PBK: variants seen among roughly 807,000 people sequenced by gnomAD.
PBK encodes lymphokine-activated killer T-cell-originated protein kinase.
Under a neutral mutation model 33.5 loss-of-function variants are expected in PBK, and 22 were observed. The ratio of observed to expected loss-of-function variants is 0.66; its 90% confidence interval spans 0.47 to 0.94. The LOEUF (loss-of-function observed/expected upper bound fraction) is 0.94, where lower values mean the gene tolerates loss of function less well. Among genes scored for constraint, PBK ranks in the 40% least tolerant of loss-of-function variants. The pLI is 0.00. For synonymous variants in PBK, 129 were observed against 123.8 expected, an observed-to-expected ratio of 1.04 and a Z score of -0.28; for missense variants, 376 against 383.4, an observed-to-expected ratio of 0.98 and a Z score of 0.16.
intron 6 of PBK, among the ~76,000 whole-genome samples, chr8:27,818,921 T>G (rs927801780): frequency 2.0e-5 from 3 of 152,140 alleles, no homozygotes; most frequent in African/African-American, 7.2e-5. Flanking sequence ...AAAACAGCTG[T>G]GTTTTTTTCT....
Position 27,810,246 on chromosome 8 carries a change from T to C in PBK, c.*59A>G. On this transcript the variant is annotated 3_prime_UTR_variant, in exon 8 of 8. Coordinates refer to ENST00000301905, the MANE Select transcript of PBK (RefSeq NM_018492.4). ...GTCTAATAACTACTGATAGTAACTA[T>C]GTAAATATTTTGGAATAAACAGTTA... 1 of 1,143,010 alleles carries C rather than the reference T, an allele frequency of 8.7e-7. No individual in the cohort carries two copies. Among genetic ancestry groups the C allele is most frequent in the African/African-American group, 1.5e-5 (1 of 64,834 alleles). 70.8% of individuals were successfully genotyped at this position (1,143,010 alleles called of 1,614,324 possible).
intron 4 of PBK, 48 bp from the exon 5 acceptor site, chr8:27,822,536 A>C (rs1805950633): frequency 6.9e-6 from 9 of 1,302,896 alleles, no homozygotes; most frequent in Non-Finnish European, 9.7e-6. Flanking sequence ...AAGAACAATA[A>C]TATTTAAGTC....
rs772280845 is a variant in PBK at position 27,833,053 on chromosome 8, T to TA, written c.58+2dup. The TA allele has an allele frequency of 6.4e-7, 1 of 1,561,024 alleles. No individual in the cohort carries two copies. The highest frequency in any genetic ancestry group is 1.1e-5 in the South Asian group (1 of 87,406). ...AAAAAAAATCTTACATCTGCTATCT[T>TA]ACCAGATTTCTTTTTTTCTGATAAT... On this transcript the variant is annotated splice_region_variant and intron_variant, in intron 2 of 7. Transcript: ENST00000301905.
intron 1 of PBK, among the ~76,000 whole-genome samples, chr8:27,836,008 AACAAG>A (rs1806222075): frequency 6.6e-6 from 1 of 152,180 alleles, no homozygotes; most frequent in Non-Finnish European, 1.5e-5. Context: ...TAGAGCAGCA[AACAAG>A]ACCCAAACAA....
intron 2 of PBK, among the ~76,000 whole-genome samples, chr8:27,828,689 G>C (rs1585433248): frequency 7.3e-6 from 1 of 136,812 alleles, no homozygotes; most frequent in African/African-American, 2.8e-5. Context: ...AGGAGGTTAA[G>C]GGTGCAGGTG....
intron 1 of PBK, 49 bp from the exon 2 acceptor site, chr8:27,833,182 A>G (rs1385714971): frequency 1.0e-6 from 1 of 983,396 alleles, no homozygotes; most frequent in African/African-American, 1.7e-5. Context: ...AAAGAATACA[A>G]CTCTCATTCA....
In PBK at chr8:27,820,573, T is replaced by C; in HGVS notation, c.587A>G (p.Asn196Ser). The change falls in exon 6 of 8, where the codon AAT (asparagine) becomes AGT (serine). Residue 196 changes from asparagine to serine, a missense_variant. Transcript: ENST00000301905. Reference protein sequence around the residue: ...DVGVSLPLDENMTVTDPEACY... With the variant: ...DVGVSLPLDESMTVTDPEACY... Reference sequence around the variant, plus strand: ...TTAAGAGTACAACTTACCAGTCATATTTTCATCCAGTGGTAGAGAGACTCC... The same window carrying C: ...TTAAGAGTACAACTTACCAGTCATACTTTCATCCAGTGGTAGAGAGACTCC... The C allele has an allele frequency of 6.4e-7, 1 of 1,566,374 alleles. No homozygotes were observed. Among genetic ancestry groups the C allele is most frequent in the Non-Finnish European group, 8.7e-7 (1 of 1,150,286 alleles).
intron 3 of PBK, 113 bp from the exon 4 acceptor site, chr8:27,823,318 G>T (rs1157037928): frequency 3.1e-6 from 2 of 650,770 alleles, no homozygotes; most frequent in Non-Finnish European, 5.3e-6. Flanking sequence ...TTTAAAAACA[G>T]AATTTAAAAT....
At chr8:27,829,235 C>T (rs1458596228) in intron 2 of PBK, among the ~76,000 whole-genome samples, 1 of 152,140 alleles carries the variant, frequency 6.6e-6, no homozygotes, top group Admixed American at 6.5e-5. Flanking sequence ...GCAATTGGCT[C>T]AACAATTACC....
chr8:27,824,967 C>T (rs1023482716), intron 3 of PBK, among the ~76,000 whole-genome samples: 4 of 152,118 alleles, frequency 2.6e-5, no homozygotes, highest in Non-Finnish European at 5.9e-5. Context: ...CTTAAACATA[C>T]ACATTGTTTT....
intron 4 of PBK, 91 bp from the exon 5 acceptor site, chr8:27,822,579 G>A (rs1291274827): frequency 3.9e-6 from 3 of 778,558 alleles, no homozygotes; most frequent in South Asian, 4.1e-5. Flanking sequence ...ATATGGATCT[G>A]GACTAACGCT....
intron 1 of PBK, among the ~76,000 whole-genome samples, chr8:27,833,873 T>C (rs1178317045): frequency 6.6e-6 from 1 of 152,100 alleles, no homozygotes; most frequent in East Asian, 1.9e-4. Context: ...CTGCATCAGA[T>C]GATGAATGGA....
At position 27,809,836 on chromosome 8, in the gene PBK, T is replaced by C. The variant is rs1457502626; in HGVS notation, c.*469A>G. 1.3e-5 allele frequency: 2 copies of C among 153,844 alleles called. No individual in the cohort carries two copies. The highest frequency in any genetic ancestry group is 4.8e-5 in the African/African-American group (2 of 41,480). The allele number at this position is 153,844 out of a possible 1,614,324, so 9.5% of individuals were successfully genotyped here. A position where few individuals can be genotyped will look rare whatever the true frequency, so the allele number is the denominator to read the frequency against. On this transcript the variant is annotated 3_prime_UTR_variant, in exon 8 of 8. Transcript: ENST00000301905. ...CTGAAGTATCCAAGGAGCTACTCTTTTTGAGGCATATTCTCCTCAGCTTCC... is the reference window on the plus strand; with the variant it reads ...CTGAAGTATCCAAGGAGCTACTCTTCTTGAGGCATATTCTCCTCAGCTTCC...
intron 6 of PBK, among the ~76,000 whole-genome samples, chr8:27,815,532 A>G (rs1805793725): frequency 6.6e-6 from 1 of 152,222 alleles, no homozygotes; most frequent in African/African-American, 2.4e-5. Flanking sequence ...GACAAGAGAA[A>G]AGCCTATAGA....
intron 2 of PBK, among the ~76,000 whole-genome samples, chr8:27,831,648 C>A (rs1806133325): frequency 2.7e-5 from 4 of 149,152 alleles, no homozygotes; most frequent in South Asian, 4.3e-4. Context: ...TCAAGTCAGA[C>A]TGATTAAGGA....
At chr8:27,811,363 C>G in intron 6 of PBK, 1 of 591,466 alleles carries the variant, frequency 1.7e-6, no homozygotes, top group South Asian at 2.0e-5. Context: ...CAGCAATTCT[C>G]TTACAAATTA....
intron 6 of PBK, among the ~76,000 whole-genome samples, chr8:27,814,387 A>C (rs558538685): frequency 7.9e-5 from 12 of 152,056 alleles, no homozygotes; most frequent in Non-Finnish European, 1.8e-4. Flanking sequence ...CCCTTTTCTC[A>C]TTCCTGTTGT....
intron 6 of PBK, among the ~76,000 whole-genome samples, chr8:27,819,654 A>G (rs1046688543): frequency 3.3e-5 from 5 of 152,136 alleles, no homozygotes; most frequent in African/African-American, 1.2e-4. Flanking sequence ...ATTATGGTGC[A>G]GAGGTACTTG....
At chr8:27,814,095 A>C (rs1805762721) in intron 6 of PBK, among the ~76,000 whole-genome samples, 1 of 152,106 alleles carries the variant, frequency 6.6e-6, no homozygotes, top group Non-Finnish European at 1.5e-5. Flanking sequence ...AGAGGTCCTT[A>C]TTCCTCTATT....
Sources: allele counts gnomAD v4.1 joint callset (sites outside exome capture counted in the v4.1 genomes callset), GRCh38; gene constraint gnomAD v4.1.1; transcripts MANE v1.5; gene names NCBI Gene and HGNC (gene_info 2026-07-23, HGNC 2026-07-21).